Variants in DDX10 observed in about 807,000 individuals in gnomAD.
DDX10 encodes the protein probable ATP-dependent RNA helicase DDX10.
Under a neutral mutation model 104.3 loss-of-function variants are expected in DDX10, and 74 were observed. That is an observed-to-expected ratio of 0.71 (90% CI 0.59 to 0.86). The LOEUF is 0.86. Among genes scored for constraint, DDX10 ranks in the 40% least tolerant of loss-of-function variants. The probability of loss-of-function intolerance (pLI) is 0.00; values close to 1 mark genes in which losing one functional copy is unlikely to be tolerated. For missense variants in DDX10, 952 were observed against 1,040.0 expected (o/e 0.92, Z 1.16); for synonymous variants, 351 against 353.4 (o/e 0.99, Z 0.08).
rs972119376 is a variant in DDX10, at chr11:108,901,489, A to G, written c.2305-16384A>G. On this transcript the variant is annotated intron_variant, in intron 16 of 17. Transcript: ENST00000322536. ...AACTGTGAGCAGTATATATGAGCCTACGTACGTCTTCTGAGACATTTTACC... is the reference window on the plus strand; with the variant it reads ...AACTGTGAGCAGTATATATGAGCCTGCGTACGTCTTCTGAGACATTTTACC... 2.6e-4 allele frequency among the ~76,000 whole-genome samples: 40 copies of G among 152,222 alleles called. 1 individual carries two copies.
intron 7 of DDX10, chr11:108,690,500 G>C (rs1315593440): frequency 1.3e-5 from 2 of 155,180 alleles, no homozygotes; most frequent in Non-Finnish European, 2.9e-5. Context: ...TGCCGATCTT[G>C]TTCCCCAAGT....
intron 7 of DDX10, 92 bp downstream of exon 7, chr11:108,689,154 A>C: frequency 7.4e-7 from 1 of 1,354,196 alleles, no homozygotes; most frequent in Non-Finnish European, 1.0e-6. Flanking sequence ...TTGTACGAGA[A>C]GTACAGTGCT....
intron 17 of DDX10, among the ~76,000 whole-genome samples, chr11:108,933,044 A>T (rs1465139294): frequency 6.6e-6 from 1 of 151,978 alleles, no homozygotes; most frequent in African/African-American, 2.4e-5. Flanking sequence ...AAAGAAGGGT[A>T]AGTCAAACGT....
At chr11:108,811,127 A>G (rs11212784) in intron 13 of DDX10, among the ~76,000 whole-genome samples, 158 of 152,238 alleles carry the variant, frequency 1.0e-3, no homozygotes, top group African/African-American at 1.9e-3. Context: ...GTGAGTATAT[A>G]TTGACTATCA....
chr11:108,715,560 A>G (rs1390711507), intron 10 of DDX10, among the ~76,000 whole-genome samples: 1 of 152,244 alleles, frequency 6.6e-6, no homozygotes, highest in Non-Finnish European at 1.5e-5. Context: ...CATTTCATAT[A>G]GAATGGATCT....
At chr11:108,706,062 C>T (rs1591796656) in intron 9 of DDX10, among the ~76,000 whole-genome samples, 3 of 152,000 alleles carry the variant, frequency 2.0e-5, no homozygotes, top group African/African-American at 4.8e-5. Flanking sequence ...ACCTCCATCT[C>T]CTGGGTTGAA....
chr11:108,710,726 C>T (rs184826956), intron 10 of DDX10, among the ~76,000 whole-genome samples: 265 of 152,216 alleles, frequency 1.7e-3, no homozygotes, highest in African/African-American at 6.0e-3. Context: ...TGTACCATAC[C>T]TAACTGTAAG....
intron 13 of DDX10, among the ~76,000 whole-genome samples, chr11:108,828,375 T>C (rs1375089507): frequency 3.3e-5 from 5 of 152,164 alleles, no homozygotes; most frequent in Non-Finnish European, 5.9e-5. Context: ...ATAAGTTAGC[T>C]CTCACATATG....
intron 9 of DDX10, among the ~76,000 whole-genome samples, chr11:108,701,763 T>G (rs1470421833): frequency 7.3e-6 from 1 of 136,976 alleles, no homozygotes; most frequent in Non-Finnish European, 1.5e-5. Flanking sequence ...CTTGGCTCAC[T>G]GCAACCTCTG....
intron 13 of DDX10, among the ~76,000 whole-genome samples, chr11:108,747,105 T>C (rs1002129090): frequency 1.3e-5 from 2 of 152,102 alleles, no homozygotes; most frequent in African/African-American, 4.8e-5. Flanking sequence ...TCTGAACATA[T>C]ATATATAAGA....
intron 12 of DDX10, among the ~76,000 whole-genome samples, chr11:108,721,359 T>G (rs1169275023): frequency 6.6e-6 from 1 of 152,190 alleles, no homozygotes; most frequent in Admixed American, 6.5e-5. Context: ...GTTCCTAGTT[T>G]TATTATTTCT....
intron 13 of DDX10, among the ~76,000 whole-genome samples, chr11:108,735,847 C>T (rs966806886): frequency 6.6e-6 from 1 of 152,074 alleles, no homozygotes; most frequent in African/African-American, 2.4e-5. Context: ...CTTGCACTAG[C>T]AGGTTGATTG....
At position 108,672,064 on chromosome 11, in the gene DDX10, A is replaced by G. The variant is rs1264804944; in HGVS notation, c.187-1403A>G. Among the ~76,000 whole-genome samples, 80 of 46,112 alleles carry G rather than the reference A, an allele frequency of 1.7e-3. No individual in the cohort carries two copies. The Middle Eastern group carries it at 0.037, about 21-fold the overall frequency. The allele number at this position is 46,112 out of a possible 152,430, so 30.3% of individuals were successfully genotyped here. On this transcript the variant is annotated intron_variant, in intron 1 of 17. Coordinates refer to ENST00000322536, the MANE Select transcript of DDX10 (RefSeq NM_004398.4). ...CGACACAGCGAGACTCCATCTCGGAAAAAAAAAAAAAAAAAAAAAAAAGGA... is the reference window on the plus strand; with the variant it reads ...CGACACAGCGAGACTCCATCTCGGAGAAAAAAAAAAAAAAAAAAAAAAGGA...
intron 16 of DDX10, among the ~76,000 whole-genome samples, chr11:108,867,999 G>C (rs909459111): frequency 6.6e-6 from 1 of 152,090 alleles, no homozygotes; most frequent in African/African-American, 2.4e-5. Flanking sequence ...TTGAATGGTA[G>C]CTTGAGGAAA....
chr11:108,824,227 G>T (rs1336523339), intron 13 of DDX10, among the ~76,000 whole-genome samples: 1 of 152,132 alleles, frequency 6.6e-6, no homozygotes, highest in Non-Finnish European at 1.5e-5. Flanking sequence ...GTCTTTAGTA[G>T]AGATGGGGTT....
In DDX10 at chr11:108,673,471, A is replaced by T. The variant is rs150662715; in HGVS notation, c.191A>T (p.Asn64Ile). 1.3e-6 allele frequency: 2 copies of T among 1,586,164 alleles called. No homozygotes were observed. The highest frequency in any genetic ancestry group is 1.7e-6 in the Non-Finnish European group (2 of 1,155,264). Residue 64 changes from asparagine to isoleucine, a missense_variant, in exon 2 of 18, where the codon AAT (asparagine) becomes ATT (isoleucine). Physicochemically the swap from Asn to Ile is moderately radical, Grantham distance 149. Around this residue, in one of 3 missense-constraint regions of DDX10, gnomAD observed 412 missense variants for 479.2 expected, o/e 0.86. Coordinates refer to ENST00000322536, the MANE Select transcript of DDX10 (RefSeq NM_004398.4). ...TTCCTTTTTCTTTTTTTCCAGATAA[A>T]TGTAAATGAAATCACAAGATTTTCA... ...SRLMQNYEKI[N>I]VNEITRFSDF... is the part of the protein sequence containing the mutation.
chr11:108,927,151 C>A (rs1297477268), intron 17 of DDX10, among the ~76,000 whole-genome samples: 1 of 152,104 alleles, frequency 6.6e-6, no homozygotes. Flanking sequence ...CTTAGCATTC[C>A]AAAGGAAAGA....
chr11:108,788,228 TTC>T (rs1189068801), intron 13 of DDX10, among the ~76,000 whole-genome samples: 2 of 152,220 alleles, frequency 1.3e-5, no homozygotes, highest in East Asian at 3.8e-4. Context: ...CTTGTGCTGA[TTC>T]TTTCTTGTGT....
Position 108,736,381 on chromosome 11 carries a change from T to A in DDX10, c.1965+12919T>A, listed in dbSNP as rs543492239. Among the ~76,000 whole-genome samples, 12 of 152,190 alleles carry A rather than the reference T, an allele frequency of 7.9e-5. No individual in the cohort carries two copies. In the South Asian group the frequency reaches 2.5e-3, roughly 32 times the overall value. ...AATACACTGTTTGTCACTGAATACG[T>A]TTTGCAGTTTATCACCCTTTCTATG... is the stretch of plus-strand genomic sequence containing the variant. On this transcript the variant is annotated intron_variant, in intron 13 of 17. Transcript: ENST00000322536.
Sources: gnomAD v4.1 joint callset for allele counts (sites outside exome capture counted in the v4.1 genomes callset) on GRCh38, gnomAD v4.1.1 for gene constraint, gnomAD v4.1.1 regional missense constraint, MANE v1.5 for transcripts, NCBI Gene and HGNC (gene_info 2026-07-23, HGNC 2026-07-21) for gene names.